Variants in AAK1 observed in about 807,000 individuals in gnomAD.
AAK1 encodes AP2 associated kinase 1, also known as AP2-associated protein kinase 1.
AAK1 carries 37 observed loss-of-function variants against 116.0 expected under a neutral mutation model. That is an observed-to-expected ratio of 0.32 (90% CI 0.25 to 0.42). The LOEUF (loss-of-function observed/expected upper bound fraction) is 0.42. Ranked by LOEUF, AAK1 falls within the 10% of genes least tolerant of loss-of-function variation. The pLI, the probability that AAK1 is intolerant of heterozygous loss-of-function variation, is 1.00. For synonymous variants in AAK1, 458 were observed against 439.9 expected (o/e 1.04, Z -0.51); for missense variants, 919 against 1,170.6 (o/e 0.79, Z 3.14).
chr2:69,551,048 G>GTT (rs201943594), intron 3 of AAK1, among the ~76,000 whole-genome samples: 16 of 148,636 alleles, frequency 1.1e-4, no homozygotes, highest in Admixed American at 9.4e-4. Flanking sequence ...TGCTTCCTGT[G>GTT]TTTTTTTTTC....
intron 2 of AAK1, among the ~76,000 whole-genome samples, chr2:69,588,838 G>A (rs1475264905): frequency 6.6e-6 from 1 of 152,052 alleles, no homozygotes; most frequent in Non-Finnish European, 1.5e-5. Flanking sequence ...GACTATCCCA[G>A]TACATTATGT....
At chr2:69,632,874 A>G (rs1230514760) in intron 2 of AAK1, among the ~76,000 whole-genome samples, 1 of 152,002 alleles carries the variant, frequency 6.6e-6, no homozygotes, top group African/African-American at 2.4e-5. Context: ...TCTACTAAAA[A>G]TGCAAAAAAT....
At chr2:69,616,121 T>C (rs1221381880) in intron 2 of AAK1, among the ~76,000 whole-genome samples, 3 of 152,138 alleles carry the variant, frequency 2.0e-5, no homozygotes, top group African/African-American at 7.2e-5. Context: ...GATGAAAATG[T>C]TTTGGAACTA....
chr2:69,486,721 G>A lies in AAK1; in HGVS notation c.2366-3909C>T, dbSNP rs533315836. On this transcript the variant is annotated intron_variant, in intron 17 of 21. Transcript: ENST00000409085. Reference sequence around the variant, plus strand: ...ATTATTCAAAAACCCCTGGGTTTGGGAATACTAATACAGTTTAAAAGAATG... The same window carrying A: ...ATTATTCAAAAACCCCTGGGTTTGGAAATACTAATACAGTTTAAAAGAATG... 2.0e-5 allele frequency among the ~76,000 whole-genome samples: 3 copies of A among 152,244 alleles called. No homozygotes were observed. The South Asian group carries it at 6.2e-4, about 32-fold the overall frequency.
At chr2:69,605,663 C>T (rs185946988) in intron 2 of AAK1, among the ~76,000 whole-genome samples, 3 of 152,322 alleles carry the variant, frequency 2.0e-5, no homozygotes, top group Admixed American at 2.0e-4. Flanking sequence ...GTTTTACATG[C>T]ACTCATATGT....
intron 2 of AAK1, among the ~76,000 whole-genome samples, chr2:69,606,257 A>G (rs1184354737): frequency 6.6e-6 from 1 of 152,096 alleles, no homozygotes; most frequent in Non-Finnish European, 1.5e-5. Flanking sequence ...TTGGGTGTCC[A>G]TGTCTTCCCC....
chr2:69,571,876 C>T (rs1225433427), intron 2 of AAK1, among the ~76,000 whole-genome samples: 3 of 152,138 alleles, frequency 2.0e-5, no homozygotes, highest in African/African-American at 7.2e-5. Flanking sequence ...AAGATCTCTG[C>T]CACTCAGAGC....
intron 17 of AAK1, 64 bp from the exon 18 acceptor site, chr2:69,482,876 A>G: frequency 1.0e-6 from 1 of 988,710 alleles, no homozygotes; most frequent in Non-Finnish European, 1.6e-6. Flanking sequence ...CCAGCGGATC[A>G]TTCACTATTC....
intron 19 of AAK1, 126 bp downstream of exon 19, chr2:69,480,733 TG>T (rs1453335536): frequency 1.5e-6 from 1 of 655,344 alleles, no homozygotes; most frequent in Non-Finnish European, 2.5e-6. Context: ...CAATTCAGAG[TG>T]TCCATTTCAG....
chr2:69,477,123 T>C (rs1389547275), intron 20 of AAK1, 133 bp from the exon 21 acceptor site: 1 of 550,390 alleles, frequency 1.8e-6, no homozygotes, highest in Non-Finnish European at 3.0e-6. Flanking sequence ...TTTATCTTTC[T>C]GAGTTGAAAT....
At chr2:69,643,474 G>A in intron 1 of AAK1, 101 bp downstream of exon 1, 1 of 1,208,238 alleles carries the variant, frequency 8.3e-7, no homozygotes, top group Non-Finnish European at 1.0e-6. Context: ...AGAAAGGAGG[G>A]ATCCGAGCTG....
At chr2:69,586,178 C>T (rs958766238) in intron 2 of AAK1, among the ~76,000 whole-genome samples, 3 of 150,034 alleles carry the variant, frequency 2.0e-5, no homozygotes, top group African/African-American at 7.3e-5. Context: ...TGTCTAAGCA[C>T]TGCATTTCTA....
chr2:69,484,583 A>G (rs1436457619), intron 17 of AAK1, among the ~76,000 whole-genome samples: 2 of 152,242 alleles, frequency 1.3e-5, no homozygotes, highest in African/African-American at 4.8e-5. Flanking sequence ...ACCTGAGGAC[A>G]GGAGTTCGAG....
intron 13 of AAK1, among the ~76,000 whole-genome samples, chr2:69,511,099 G>C (rs1249844252): frequency 6.6e-6 from 1 of 152,074 alleles, no homozygotes; most frequent in African/African-American, 2.4e-5. Context: ...AATAACTTTG[G>C]ATATAAAATG....
At chr2:69,554,641 T>C (rs1671315849) in intron 3 of AAK1, among the ~76,000 whole-genome samples, 1 of 152,118 alleles carries the variant, frequency 6.6e-6, no homozygotes, top group African/African-American at 2.4e-5. Context: ...TAGGAGATAA[T>C]GCCTAAAATG....
At chr2:69,535,908 G>A (rs1034535147) in intron 5 of AAK1, among the ~76,000 whole-genome samples, 1 of 152,190 alleles carries the variant, frequency 6.6e-6, no homozygotes. Flanking sequence ...CTAATAACAG[G>A]AACAAAGCAT....
chr2:69,563,568 T>G (rs1364348746), intron 2 of AAK1, among the ~76,000 whole-genome samples: 3 of 152,152 alleles, frequency 2.0e-5, no homozygotes, highest in African/African-American at 7.2e-5. Context: ...CTTTTGGGAA[T>G]GAAGTCCACT....
intron 16 of AAK1, among the ~76,000 whole-genome samples, chr2:69,496,408 C>T (rs1016546638): frequency 3.3e-5 from 5 of 151,888 alleles, no homozygotes; most frequent in Non-Finnish European, 5.9e-5. Context: ...AGTCGCCAGG[C>T]GCCTGCCACC....
rs774510752 is a variant in AAK1, at chr2:69,476,830, T to C, written c.2791+50A>G. The C allele has an allele frequency of 3.7e-6, 5 of 1,347,856 alleles. No homozygotes were observed. In the South Asian group the frequency reaches 6.2e-5, roughly 17 times the overall value. The allele number at this position is 1,347,856 out of a possible 1,614,324, so 83.5% of individuals were successfully genotyped here. A position where few individuals can be genotyped will look rare whatever the true frequency, so the allele number is the denominator to read the frequency against. On this transcript the variant is annotated intron_variant, in intron 21 of 21. Coordinates refer to ENST00000409085, the MANE Select transcript of AAK1 (RefSeq NM_014911.5). ...TTGCAGATTAGGTGCATGACTATTT[T>C]GAAGAGAACTGAGGCCAAGCTCTTC...
Sources: gnomAD v4.1 joint callset for allele counts (sites outside exome capture counted in the v4.1 genomes callset) on GRCh38, gnomAD v4.1.1 for gene constraint, MANE v1.5 for transcripts, NCBI Gene and HGNC (gene_info 2026-07-23, HGNC 2026-07-21) for gene names.